Variants in MYO7B observed in about 807,000 individuals in gnomAD.
The protein encoded by MYO7B is myosin VIIB, also known as unconventional myosin-VIIb.
In MYO7B, 212 loss-of-function variants were observed where a neutral mutation model predicts 259.7. The observed-to-expected ratio is 0.82, with a 90% CI of 0.73 to 0.91. The LOEUF (loss-of-function observed/expected upper bound fraction) is 0.91. Ranked by LOEUF, MYO7B falls within the 40% of genes least tolerant of loss-of-function variation. The pLI is 0.00. For synonymous variants in MYO7B, 1,197 were observed against 1,166.4 expected (o/e 1.03, Z -0.54); for missense variants, 2,732 against 2,813.5 (o/e 0.97, Z 0.66).
chr2:127,594,187 A>G (rs538305355), intron 18 of MYO7B, among the ~76,000 whole-genome samples: 3 of 152,342 alleles, frequency 2.0e-5, no homozygotes, highest in Admixed American at 2.0e-4. Flanking sequence ...ATGCACAGGG[A>G]GCTGAAGTCA....
In MYO7B at chr2:127,569,901, A is replaced by G. The variant is rs760876061; in HGVS notation, c.583A>G (p.Ile195Val). ...IEQQVLEANP[I>V]LEAFGNAKTI... ...GCAGCAGGTCCTGGAAGCCAACCCC[A>G]TCCTGGAGGGTAAGCATCACTCTGG... is the stretch of plus-strand genomic sequence containing the variant. The change falls in exon 6 of 48, where the codon ATC becomes GTC. Residue 195 changes from isoleucine to valine, a missense_variant. Coordinates refer to ENST00000409816, the MANE Select transcript of MYO7B (RefSeq NM_001393586.1). The G allele has an allele frequency of 6.2e-7, 1 of 1,612,376 alleles. No homozygotes were observed. The highest frequency in any genetic ancestry group is 8.5e-7 in the Non-Finnish European group (1 of 1,179,124).
chr2:127,634,196 C>T lies in MYO7B; in HGVS notation c.5532C>T (p.Asn1844=). 1 of 1,606,618 alleles carries T rather than the reference C, an allele frequency of 6.2e-7. No individual in the cohort carries two copies. Among genetic ancestry groups the T allele is most frequent in the Middle Eastern group, 1.7e-4 (1 of 6,038 alleles). ...DTSEMLEVVA[N]TRVRDVCDSI... is the part of the protein sequence containing the mutation. The stretch of plus-strand genomic sequence containing the variant: ...TCCAGATGCTGGAGGTGGTTGCCAA[C>T]ACACGGGTGCGGGATGTGTGTGACA... Residue 1844 remains asparagine (N), a synonymous_variant, in exon 41 of 48, where the codon AAC becomes AAT. Transcript: ENST00000409816.
Position 127,557,341 on chromosome 2 carries a change from C to T in MYO7B, c.-23-2359C>T, listed in dbSNP as rs118046631. 4.6e-5 allele frequency among the ~76,000 whole-genome samples: 7 copies of T among 152,082 alleles called. No individual in the cohort carries two copies. The East Asian group carries it at 5.8e-4, about 13-fold the overall frequency. ...TTTGATTTTCTTAAATTGGACTTTA[C>T]GTTTCTCTGGTGCCTCCTTGATTAG... On this transcript the variant is annotated intron_variant, in intron 1 of 47. Transcript: ENST00000409816.
Position 127,571,190 on chromosome 2 carries a change from C to T in MYO7B, c.592+1280C>T, listed in dbSNP as rs114331735. Among the ~76,000 whole-genome samples the T allele has an allele frequency of 7.4e-3, 1,129 of 152,264 alleles. 7 individuals carry two copies. Among genetic ancestry groups the T allele is most frequent in the Admixed American group, 0.013 (206 of 15,294 alleles). On this transcript the variant is annotated intron_variant, in intron 6 of 47. Coordinates refer to ENST00000409816, the MANE Select transcript of MYO7B (RefSeq NM_001393586.1). ...TTTCCAAAATGCTCACAGCATTTTG[C>T]TTTCCCACCAGCAGAGCAGGAACAT...
chr2:127,580,805 G>A lies in MYO7B; in HGVS notation c.1063G>A (p.Val355Met), dbSNP rs200525792. ...DVMETPAFPT[V>M]MKLLEVQHQE... ...GATGGAGACGCCCGCCTTTCCCACC[G>A]TGATGAAGTTACTGGAGGTAGGGGT... Residue 355 changes from valine (V) to methionine (M), a missense_variant, in exon 10 of 48, where the codon GTG becomes ATG. By Grantham distance (21) the Val-to-Met change is conservative (BLOSUM62 1). Around this residue, in one of 3 missense-constraint regions of MYO7B, gnomAD observed 1,906 missense variants for 2,026.4 expected, o/e 0.94. Coordinates refer to ENST00000409816, the MANE Select transcript of MYO7B (RefSeq NM_001393586.1). 227 of 1,613,250 alleles carry A rather than the reference G, an allele frequency of 1.4e-4. No homozygotes were observed. Among genetic ancestry groups the A allele is most frequent in the Middle Eastern group, 1.6e-4 (1 of 6,084 alleles).
At position 127,609,777 on chromosome 2, in the gene MYO7B, G is replaced by A; in HGVS notation, c.3024+62G>A. The A allele has an allele frequency of 6.2e-7, 1 of 1,611,570 alleles. No homozygotes were observed. Among genetic ancestry groups the A allele is most frequent in the Non-Finnish European group, 8.5e-7 (1 of 1,177,904 alleles). ...GCCCCGAGCCTGGGGTGTGAGCTAT[G>A]GCTCGGGGAAAGAAGGAAGGGGCCA... is the stretch of plus-strand genomic sequence containing the variant. On this transcript the variant is annotated intron_variant, in intron 23 of 47. Transcript: ENST00000409816. The surrounding 1 kb of genome is among the most constrained non-coding windows in gnomAD (Gnocchi z 6.9).
intron 2 of MYO7B, 37 bp from the exon 3 acceptor site, chr2:127,564,116 G>A (rs1162014436): frequency 1.4e-6 from 2 of 1,391,960 alleles, no homozygotes; most frequent in Admixed American, 2.1e-5. Context: ...GGAAGAGAGA[G>A]CGGGGATCAC....
intron 12 of MYO7B, among the ~76,000 whole-genome samples, chr2:127,583,251 C>A (rs1679173026): frequency 6.6e-6 from 1 of 152,222 alleles, no homozygotes; most frequent in Non-Finnish European, 1.5e-5. Context: ...CTGCCCAAGG[C>A]CTGTCTGATC....
chr2:127,570,986 C>T (rs1183813187), intron 6 of MYO7B, among the ~76,000 whole-genome samples: 2 of 152,312 alleles, frequency 1.3e-5, no homozygotes, highest in East Asian at 1.9e-4. Context: ...CTTCTCCACC[C>T]GTTCAGGACA....
chr2:127,572,431 A>AAAAG, intron 6 of MYO7B, among the ~76,000 whole-genome samples: 2 of 150,428 alleles, frequency 1.3e-5, no homozygotes, highest in Admixed American at 6.6e-5. Context: ...AAAAAAAAAA[A>AAAAG]GACTTTTCTG....
intron 19 of MYO7B, 83 bp downstream of exon 19, chr2:127,596,639 C>T: frequency 8.5e-7 from 1 of 1,176,688 alleles, no homozygotes; most frequent in African/African-American, 1.5e-5. Context: ...AAACCAGGAT[C>T]ACATGTTCCC....
chr2:127,592,131 G>A (rs545754410), intron 16 of MYO7B, among the ~76,000 whole-genome samples: 47 of 152,336 alleles, frequency 3.1e-4, no homozygotes, highest in Non-Finnish European at 2.4e-4. Context: ...CGGTGGCTCA[G>A]GCCTGTAATC....
Position 127,628,188 on chromosome 2 carries a change from G to T in MYO7B, c.4461-184G>T. On this transcript the variant is annotated intron_variant, in intron 33 of 47. Coordinates refer to ENST00000409816, the MANE Select transcript of MYO7B (RefSeq NM_001393586.1). The surrounding 1 kb of genome is among the most constrained non-coding windows in gnomAD (Gnocchi z 4.8). The stretch of plus-strand genomic sequence containing the variant: ...CCACTCTCAGCCTCCGAGAGGTCCT[G>T]TGCTCCGCCGTCCTTCATTTGTCCA... 1 of 756,980 alleles carries T rather than the reference G, an allele frequency of 1.3e-6. No homozygotes were observed. 46.9% of individuals were successfully genotyped at this position (756,980 alleles called of 1,614,324 possible). A position where few individuals can be genotyped will look rare whatever the true frequency, so the allele number is the denominator to read the frequency against.
intron 19 of MYO7B, among the ~76,000 whole-genome samples, chr2:127,603,510 C>CT (rs1420752878): frequency 6.6e-6 from 1 of 152,124 alleles, no homozygotes; most frequent in East Asian, 1.9e-4. Flanking sequence ...TGAAAGAAAT[C>CT]TTTTTTTCTG....
At chr2:127,563,857 G>A (rs759670665) in intron 2 of MYO7B, among the ~76,000 whole-genome samples, 1 of 152,196 alleles carries the variant, frequency 6.6e-6, no homozygotes, top group Non-Finnish European at 1.5e-5. Context: ...CTAAATAGTA[G>A]CCAAGTTTCT....
At chr2:127,589,058 G>T (rs1042843910) in intron 15 of MYO7B, among the ~76,000 whole-genome samples, 2 of 148,738 alleles carry the variant, frequency 1.3e-5, no homozygotes, top group Non-Finnish European at 3.0e-5. Flanking sequence ...TGGATGGGTG[G>T]ATGGGTATGT....
In MYO7B at chr2:127,576,734, A is replaced by T. The variant is rs773931460; in HGVS notation, c.849+26A>T. On this transcript the variant is annotated intron_variant, in intron 8 of 47. Transcript: ENST00000409816. The surrounding 1 kb of genome is among the most constrained non-coding windows in gnomAD (Gnocchi z 4.9). ...GTGAGCTGCCCACCTGCCGCCTCCC[A>T]GTAGCCAGTGGAAGGGAGGAAAAAG... 6 of 1,483,428 alleles carry T rather than the reference A, an allele frequency of 4.0e-6. No homozygotes were observed. Among genetic ancestry groups the T allele is most frequent in the Non-Finnish European group, 5.6e-6 (6 of 1,067,318 alleles). The allele number at this position is 1,483,428 out of a possible 1,614,324, so 91.9% of individuals were successfully genotyped here. A position where few individuals can be genotyped will look rare whatever the true frequency, so the allele number is the denominator to read the frequency against.
rs534737558 is a variant in MYO7B at position 127,574,236 on chromosome 2, G to T, written c.735+174G>T. On this transcript the variant is annotated intron_variant, in intron 7 of 47. Transcript: ENST00000409816. ...CAGTATTCCAGGACAGCAAATGATA[G>T]AAATTTTTCCATTTTGAGCAGGGCT... 1.4e-4 allele frequency among the ~76,000 whole-genome samples: 22 copies of T among 152,286 alleles called. No individual in the cohort carries two copies. In the Middle Eastern group the frequency reaches 0.017, roughly 118 times the overall value.
chr2:127,592,834 C>A lies in MYO7B; in HGVS notation c.2033C>A (p.Ser678Ter). Residue 678 changes from serine to a stop codon, truncating the protein, a stop_gained, in exon 17 of 48, where the codon TCG becomes TAG. Coordinates refer to ENST00000409816, the MANE Select transcript of MYO7B (RefSeq NM_001393586.1). LOFTEE classifies it high-confidence loss of function. Reference protein sequence around the residue: ...RELCLRQLRYSGMMETVHIRK... With the variant: ...RELCLRQLRY ...CTGTGCCTGCGGCAGCTGCGATACT[C>A]GGGCATGATGGAGACCGTGCACATC... The A allele has an allele frequency of 1.9e-6, 3 of 1,610,210 alleles. No homozygotes were observed. The highest frequency in any genetic ancestry group is 2.5e-6 in the Non-Finnish European group (3 of 1,178,966).
Sources: gnomAD v4.1 joint callset for allele counts (sites outside exome capture counted in the v4.1 genomes callset) on GRCh38, gnomAD v4.1.1 for gene constraint, gnomAD v4.1.1 regional missense constraint, Gnocchi (gnomAD v3.1) non-coding constraint, MANE v1.5 for transcripts, NCBI Gene and HGNC (gene_info 2026-07-23, HGNC 2026-07-21) for gene names.